CSTPP1: variants seen among roughly 807,000 people sequenced by gnomAD.
The protein encoded by CSTPP1 is centriolar satellite-associated tubulin polyglutamylase complex regulator 1, also known as UPF0705 protein C11orf49.
At chr11:47,090,227 C>T in the CSTPP1 span, among the ~76,000 whole-genome samples, 5 of 152,142 alleles carry the variant, frequency 3.3e-5, no homozygotes, top group South Asian at 2.1e-4. Flanking sequence ...TCAGGTGATC[C>T]GCCCGCCTTG....
At chr11:47,117,022 G>T in the CSTPP1 span, among the ~76,000 whole-genome samples, 2 of 152,148 alleles carry the variant, frequency 1.3e-5, no homozygotes, top group Non-Finnish European at 2.9e-5. Context: ...TTCAGCCTAT[G>T]TGTGTCTTTG....
At chr11:46,991,256 T>G in the CSTPP1 span, among the ~76,000 whole-genome samples, 1 of 151,570 alleles carries the variant, frequency 6.6e-6, no homozygotes, top group Non-Finnish European at 1.5e-5. Flanking sequence ...AGACAGCTAT[T>G]CAAATGGCCT....
At chr11:47,155,072 TCTCCCTCTCCCCCGCACTTTTCCCTTC>T in the CSTPP1 span, 2 of 948,832 alleles carry the variant, frequency 2.1e-6, no homozygotes, top group Non-Finnish European at 3.4e-6. Context: ...CAGCTCTCTC[TCTCCCTCTCCCCCGCACTTTTCCCTTC>T]CTCCCTCTCC....
At chr11:47,103,833 C>G in the CSTPP1 span, 1 of 151,860 alleles carries the variant, frequency 6.6e-6, no homozygotes, top group Non-Finnish European at 1.5e-5. Flanking sequence ...TGTTACCACG[C>G]CCTGCTAATT....
the CSTPP1 span, chr11:47,162,031 C>T: frequency 4.0e-6 from 4 of 1,006,540 alleles, no homozygotes; most frequent in Admixed American, 5.7e-5. Context: ...CGAATAGCCA[C>T]GCAGGGCCTT....
At chr11:47,042,034 C>CA in the CSTPP1 span, 30 of 167,638 alleles carry the variant, frequency 1.8e-4, no homozygotes, top group South Asian at 4.4e-4. Context: ...CCCATCTCTA[C>CA]AAAAAAAAAT....
the CSTPP1 span, among the ~76,000 whole-genome samples, chr11:47,158,788 C>G: frequency 6.6e-6 from 1 of 152,172 alleles, no homozygotes; most frequent in Non-Finnish European, 1.5e-5. Flanking sequence ...CCTCACCTTG[C>G]TCTCCCAAAG....
the CSTPP1 span, among the ~76,000 whole-genome samples, chr11:46,938,323 AT>A: frequency 2.7e-5 from 4 of 147,936 alleles, no homozygotes; most frequent in Non-Finnish European, 4.5e-5. Flanking sequence ...TATTTATAAT[AT>A]ATAATAATAT....
At chr11:47,155,056 C>T in the CSTPP1 span, 2 of 864,884 alleles carry the variant, frequency 2.3e-6, no homozygotes, top group Non-Finnish European at 3.9e-6. Flanking sequence ...ACTGGCGGCC[C>T]AGGAACAGCT....
the CSTPP1 span, chr11:46,948,119 G>A: frequency 4.4e-6 from 2 of 456,084 alleles, no homozygotes; most frequent in Non-Finnish European, 8.8e-6. Context: ...TGCCAGAACC[G>A]GTCGGCTCCA....
the CSTPP1 span, among the ~76,000 whole-genome samples, chr11:46,997,380 TC>T: frequency 6.6e-6 from 1 of 152,256 alleles, no homozygotes; most frequent in Non-Finnish European, 1.5e-5. Context: ...GTCACATAGT[TC>T]TTGTGCCATG....
the CSTPP1 span, among the ~76,000 whole-genome samples, chr11:47,158,358 A>AT: frequency 6.6e-6 from 1 of 151,748 alleles, no homozygotes; most frequent in East Asian, 1.9e-4. Context: ...AAAAAATCTG[A>AT]TTAATCTGAA....
chr11:47,131,838 G>A, the CSTPP1 span, among the ~76,000 whole-genome samples: 4 of 152,040 alleles, frequency 2.6e-5, no homozygotes, highest in Non-Finnish European at 2.9e-5. Flanking sequence ...TTAGCCTGGC[G>A]TAGTGATGCA....
chr11:46,956,615 C>T, the CSTPP1 span, among the ~76,000 whole-genome samples: 8 of 152,168 alleles, frequency 5.3e-5, no homozygotes, highest in Admixed American at 5.2e-4. Context: ...GATCTCACAG[C>T]ATGTAAACGA....
chr11:46,997,590 T>C, the CSTPP1 span, among the ~76,000 whole-genome samples: 1 of 152,244 alleles, frequency 6.6e-6, no homozygotes, highest in Admixed American at 6.5e-5. Context: ...CGTCCAGCTT[T>C]CCTCTGTTGC....
At chr11:46,962,912 T>G in the CSTPP1 span, among the ~76,000 whole-genome samples, 21 of 152,056 alleles carry the variant, frequency 1.4e-4, no homozygotes, top group African/African-American at 4.1e-4. Flanking sequence ...CGTGTTCACA[T>G]TACTGCACTC....
At chr11:47,159,074 C>G in the CSTPP1 span, among the ~76,000 whole-genome samples, 1 of 152,216 alleles carries the variant, frequency 6.6e-6, no homozygotes, top group Non-Finnish European at 1.5e-5. Context: ...CTGGGATACA[C>G]AAGCACAAAC....
the CSTPP1 span, among the ~76,000 whole-genome samples, chr11:46,961,220 T>A: frequency 6.6e-6 from 1 of 152,058 alleles, no homozygotes; most frequent in African/African-American, 2.4e-5. Context: ...CCATATCCTT[T>A]CCAACACTTG....
chr11:46,943,015 G>A, the CSTPP1 span, among the ~76,000 whole-genome samples: 1 of 152,056 alleles, frequency 6.6e-6, no homozygotes, highest in Non-Finnish European at 1.5e-5. Context: ...AATTTCTTGG[G>A]AACAAGAATT....
Sources: allele counts gnomAD v4.1 joint callset (sites outside exome capture counted in the v4.1 genomes callset), GRCh38; gene constraint gnomAD v4.1.1; transcripts MANE v1.5; gene names NCBI Gene and HGNC (gene_info 2026-07-23, HGNC 2026-07-21).